The following MEP1B variants were observed in gnomAD, a reference collection of about 807,000 sequenced individuals.
The protein encoded by MEP1B is meprin A subunit beta, also known as N-benzoyl-L-tyrosyl-P-amino-benzoic acid hydrolase subunit beta.
MEP1B carries 80 observed loss-of-function variants against 84.6 expected under a neutral mutation model. The observed-to-expected ratio is 0.95, with a 90% confidence interval of 0.79 to 1.14. The LOEUF (loss-of-function observed/expected upper bound fraction) is 1.14. Among genes scored for constraint, MEP1B ranks in the 50% most tolerant of loss-of-function variants. The pLI is 0.00. For synonymous variants in MEP1B, 273 were observed against 288.1 expected (o/e 0.95, Z 0.53); for missense variants, 766 against 855.1 (o/e 0.90, Z 1.30).
At chr18:32,200,741 C>T (rs2040903616) in intron 5 of MEP1B, among the ~76,000 whole-genome samples, 1 of 152,182 alleles carries the variant, frequency 6.6e-6, no homozygotes, top group African/African-American at 2.4e-5. Flanking sequence ...GAGTAATACT[C>T]ATAGCAGCCA....
At chr18:32,216,913 A>C in intron 12 of MEP1B, 78 bp from the exon 13 acceptor site, 1 of 1,481,828 alleles carries the variant, frequency 6.7e-7, no homozygotes, top group Non-Finnish European at 9.1e-7. Flanking sequence ...AGAAACATTA[A>C]AAGAAAATGA....
intron 4 of MEP1B, among the ~76,000 whole-genome samples, chr18:32,193,074 TTTGA>T (rs1447051392): frequency 6.6e-6 from 1 of 152,182 alleles, no homozygotes; most frequent in African/African-American, 2.4e-5. Flanking sequence ...GTCTTATTGA[TTTGA>T]TTGATTTTCA....
Position 32,198,669 on chromosome 18 carries a change from C to T in MEP1B, c.250+3184C>T, listed in dbSNP as rs117358677. Reference sequence around the variant, plus strand: ...TAGGAAGTTGAGCAGGTAGGCGGAACGCAAATGGGGAAGGACTTGGGTCTT... The same window carrying T: ...TAGGAAGTTGAGCAGGTAGGCGGAATGCAAATGGGGAAGGACTTGGGTCTT... On this transcript the variant is annotated intron_variant, in intron 5 of 14. Coordinates refer to ENST00000269202, the MANE Select transcript of MEP1B (RefSeq NM_005925.3). 5.7e-3 allele frequency among the ~76,000 whole-genome samples: 865 copies of T among 152,144 alleles called. 26 individuals are homozygous for T. Among genetic ancestry groups the T allele is most frequent in the Admixed American group, 0.036 (552 of 15,280 alleles).
intron 14 of MEP1B, among the ~76,000 whole-genome samples, chr18:32,218,539 G>A (rs1421711595): frequency 4.6e-5 from 7 of 152,342 alleles, no homozygotes; most frequent in African/African-American, 1.7e-4. Flanking sequence ...TTTCCAGTGG[G>A]TCCCTTGGGA....
intron 12 of MEP1B, among the ~76,000 whole-genome samples, chr18:32,216,218 C>A (rs1373971736): frequency 6.6e-6 from 1 of 152,026 alleles, no homozygotes; most frequent in East Asian, 1.9e-4. Context: ...GCAATTAAAA[C>A]CCACAAAATT....
rs540683670 is a variant in MEP1B at position 32,218,734 on chromosome 18, G to A, written c.2091+769G>A. Among the ~76,000 whole-genome samples the A allele has an allele frequency of 1.8e-4, 27 of 152,248 alleles. No homozygotes were observed. In the South Asian group the frequency reaches 3.7e-3, roughly 21 times the overall value. On this transcript the variant is annotated intron_variant, in intron 14 of 14. Transcript: ENST00000269202. ...GTGGGGATGACTCCCTCTTAGGCAC[G>A]TCCTGAATCGAGGGAGGGGGCCAGG...
intron 11 of MEP1B, among the ~76,000 whole-genome samples, chr18:32,214,823 T>C (rs1304035470): frequency 6.6e-6 from 1 of 152,194 alleles, no homozygotes; most frequent in African/African-American, 2.4e-5. Context: ...CCCAGGAATA[T>C]CTGGTACCTA....
At chr18:32,216,883 AAG>A in intron 12 of MEP1B, 106 bp from the exon 13 acceptor site, 1 of 1,333,662 alleles carries the variant, frequency 7.5e-7, no homozygotes, top group South Asian at 1.5e-5. Context: ...AAAAAAAAGA[AAG>A]AAAGAAAAAA....
Position 32,207,611 on chromosome 18 carries a change from C to T in MEP1B, c.766+141C>T, listed in dbSNP as rs572503046. The T allele has an allele frequency of 1.0e-4, 64 of 639,932 alleles. No individual in the cohort carries two copies. In the East Asian group the frequency reaches 1.6e-3, roughly 16 times the overall value. 39.6% of individuals were successfully genotyped at this position (639,932 alleles called of 1,614,324 possible). On this transcript the variant is annotated intron_variant, in intron 8 of 14. Transcript: ENST00000269202. ...TATTCAGGAAATAAACAGAATAGCA[C>T]TCAGATCTCAATCTACAACTTGGAA...
intron 7 of MEP1B, among the ~76,000 whole-genome samples, chr18:32,206,478 G>A (rs956089174): frequency 5.3e-5 from 8 of 150,386 alleles, no homozygotes; most frequent in Admixed American, 5.3e-4. Flanking sequence ...CACCCAGGCT[G>A]GAGTGCAGTG....
chr18:32,207,340 T>C lies in MEP1B; in HGVS notation c.636T>C (p.Ser212=), dbSNP rs1270654105. 6.2e-7 allele frequency: 1 copy of C among 1,612,386 alleles called. No homozygotes were observed. The highest frequency in any genetic ancestry group is 1.3e-5 in the African/African-American group (1 of 75,028). ...PYDYTSVMHY[S]KTAFQNGTEP... is the part of the protein sequence containing the mutation. ...ATTACACTTCAGTAATGCACTACAG[T>C]AAAACTGCATTCCAAAATGGAACAG... Residue 212 remains serine (S), a synonymous_variant, in exon 8 of 15, where the codon AGT becomes AGC. Coordinates refer to ENST00000269202, the MANE Select transcript of MEP1B (RefSeq NM_005925.3).
At chr18:32,219,700 G>C (rs2041129717) in intron 14 of MEP1B, among the ~76,000 whole-genome samples, 1 of 152,046 alleles carries the variant, frequency 6.6e-6, no homozygotes, top group Non-Finnish European at 1.5e-5. Flanking sequence ...AAAGAAAAAT[G>C]ACAAAACCAA....
At position 32,209,063 on chromosome 18, in the gene MEP1B, A is replaced by G. The variant is rs377097689; in HGVS notation, c.919+792A>G. On this transcript the variant is annotated intron_variant, in intron 9 of 14. Coordinates refer to ENST00000269202, the MANE Select transcript of MEP1B (RefSeq NM_005925.3). ...TCACTTTTTTCTGTTTTTGAAAACTAATTTCTGTGGTAAGGGAAAGGTTCC... is the reference window on the plus strand; with the variant it reads ...TCACTTTTTTCTGTTTTTGAAAACTGATTTCTGTGGTAAGGGAAAGGTTCC... 5.9e-5 allele frequency among the ~76,000 whole-genome samples: 9 copies of G among 152,298 alleles called. No individual in the cohort carries two copies. In the East Asian group the frequency reaches 7.7e-4, roughly 13 times the overall value.
chr18:32,207,372 C>T lies in MEP1B; in HGVS notation c.668C>T (p.Thr223Ile). Residue 223 changes from threonine to isoleucine, a missense_variant, in exon 8 of 15, where the codon ACA becomes ATA. By Grantham distance (89) the Thr-to-Ile change is moderately conservative (BLOSUM62 -1). Coordinates refer to ENST00000269202, the MANE Select transcript of MEP1B (RefSeq NM_005925.3). ...KTAFQNGTEP[T>I]IVTRISDFED... ...GCATTCCAAAATGGAACAGAGCCGA[C>T]AATTGTCACAAGAATCTCAGACTTT... 1.2e-6 allele frequency: 2 copies of T among 1,613,240 alleles called. No homozygotes were observed. The highest frequency in any genetic ancestry group is 1.7e-6 in the Non-Finnish European group (2 of 1,179,532).
Position 32,207,401 on chromosome 18 carries a change from G to A in MEP1B, c.697G>A (p.Asp233Asn). 6.2e-7 allele frequency: 1 copy of A among 1,613,392 alleles called. No individual in the cohort carries two copies. Among genetic ancestry groups the A allele is most frequent in the Non-Finnish European group, 8.5e-7 (1 of 1,179,672 alleles). The part of the protein sequence containing the change: ...TIVTRISDFE[D>N]VIGQRMDFSD... ...TGTCACAAGAATCTCAGACTTTGAG[G>A]ATGTGATCGGCCAACGAATGGATTT... Residue 233 changes from aspartate to asparagine, a missense_variant, in exon 8 of 15, where the codon GAT (aspartate) becomes AAT (asparagine). Transcript: ENST00000269202.
chr18:32,212,025 AAAG>A (rs1404665931), intron 10 of MEP1B, among the ~76,000 whole-genome samples: 79 of 148,474 alleles, frequency 5.3e-4, no homozygotes, highest in African/African-American at 1.9e-3. Flanking sequence ...TAAAATATAT[AAAG>A]AATAATTATA....
chr18:32,196,066 G>A lies in MEP1B; in HGVS notation c.250+581G>A, dbSNP rs2040850666. 2.3e-6 allele frequency: 1 copy of A among 442,412 alleles called. No homozygotes were observed. Among genetic ancestry groups the A allele is most frequent in the Non-Finnish European group, 4.2e-6 (1 of 237,740 alleles). The allele number at this position is 442,412 out of a possible 1,614,324, so 27.4% of individuals were successfully genotyped here. A position where few individuals can be genotyped will look rare whatever the true frequency, so the allele number is the denominator to read the frequency against. On this transcript the variant is annotated intron_variant, in intron 5 of 14. Transcript: ENST00000269202. The surrounding 1 kb of genome is among the most constrained non-coding windows in gnomAD (Gnocchi z 4.4). ...GGAAGAAGGGTCATTGGCAGCCCGG[G>A]GCTGGGAACCCAGGTCCTCTGGTGC... is the stretch of plus-strand genomic sequence containing the variant.
In MEP1B at chr18:32,215,276, A is replaced by C. The variant is rs1294585110; in HGVS notation, c.1759+15A>C. On this transcript the variant is annotated intron_variant, in intron 12 of 14. Transcript: ENST00000269202. ...GACAGTGGAAGGTATGTCAATAAAAATAGTTTTATATAAACTAGTTTTTTT... is the reference window on the plus strand; with the variant it reads ...GACAGTGGAAGGTATGTCAATAAAACTAGTTTTATATAAACTAGTTTTTTT... 1 of 1,511,392 alleles carries C rather than the reference A, an allele frequency of 6.6e-7. No homozygotes were observed. Among genetic ancestry groups the C allele is most frequent in the Non-Finnish European group, 8.9e-7 (1 of 1,122,494 alleles). The allele number at this position is 1,511,392 out of a possible 1,614,324, so 93.6% of individuals were successfully genotyped here.
At chr18:32,203,231 T>C (rs1025064385) in intron 6 of MEP1B, 4 of 433,644 alleles carry the variant, frequency 9.2e-6, no homozygotes, top group East Asian at 7.3e-5. Flanking sequence ...GTGGATGGGA[T>C]TGCATGCCAT....
Sources: gnomAD v4.1 joint callset for allele counts (sites outside exome capture counted in the v4.1 genomes callset) on GRCh38, gnomAD v4.1.1 for gene constraint, Gnocchi (gnomAD v3.1) non-coding constraint, MANE v1.5 for transcripts, NCBI Gene and HGNC (gene_info 2026-07-23, HGNC 2026-07-21) for gene names.